NELL1: variants seen among roughly 807,000 people sequenced by gnomAD.
The protein encoded by NELL1 is neural EGFL like 1, also known as protein kinase C-binding protein NELL1.
In NELL1, 76 loss-of-function variants were observed where a neutral mutation model predicts 107.4. The ratio of observed to expected loss-of-function variants is 0.71; its 90% CI spans 0.59 to 0.86. NELL1 has a LOEUF of 0.86. Among genes scored for constraint, NELL1 ranks in the 40% least tolerant of loss-of-function variants. The probability of loss-of-function intolerance (pLI) is 0.00; values close to 1 mark genes in which losing one functional copy is unlikely to be tolerated. For synonymous variants in NELL1, 353 were observed against 341.2 expected (o/e 1.03, Z -0.38); for missense variants, 1,024 against 1,005.5 (o/e 1.02, Z -0.25).
chr11:21,047,670 G>T (rs1222287391), intron 12 of NELL1, among the ~76,000 whole-genome samples: 1 of 152,128 alleles, frequency 6.6e-6, no homozygotes, highest in Non-Finnish European at 1.5e-5. Context: ...TCGTGTTATT[G>T]TATTAGGTTT....
chr11:21,437,441 C>A (rs1853150866), intron 15 of NELL1, among the ~76,000 whole-genome samples: 1 of 152,140 alleles, frequency 6.6e-6, no homozygotes, highest in Non-Finnish European at 1.5e-5. Context: ...CTCACCGCAA[C>A]CTCCGCCTCC....
chr11:20,813,898 C>G (rs1298573823), intron 3 of NELL1, among the ~76,000 whole-genome samples: 1 of 151,896 alleles, frequency 6.6e-6, no homozygotes. Flanking sequence ...CTAATTTTGT[C>G]TTTATCACAA....
intron 13 of NELL1, among the ~76,000 whole-genome samples, chr11:21,134,744 T>G (rs895260737): frequency 1.3e-5 from 2 of 152,154 alleles, no homozygotes; most frequent in African/African-American, 4.8e-5. Flanking sequence ...GAGGCGTATA[T>G]GCAACCCACA....
chr11:21,532,132 G>A (rs1403330601), intron 15 of NELL1, among the ~76,000 whole-genome samples: 2 of 152,178 alleles, frequency 1.3e-5, no homozygotes, highest in African/African-American at 4.8e-5. Flanking sequence ...GGAATCGTCT[G>A]TGAAAAGTAC....
chr11:20,690,705 G>A (rs1181644538), intron 2 of NELL1, among the ~76,000 whole-genome samples: 1 of 152,092 alleles, frequency 6.6e-6, no homozygotes, highest in East Asian at 1.9e-4. Flanking sequence ...ATAGTTTGAA[G>A]TCAGGTAGCA....
At chr11:21,202,149 T>A (rs1279787405) in intron 13 of NELL1, among the ~76,000 whole-genome samples, 1 of 152,206 alleles carries the variant, frequency 6.6e-6, no homozygotes, top group Admixed American at 6.5e-5. Context: ...ATAAAATGAG[T>A]TAGAGAGGAT....
intron 13 of NELL1, among the ~76,000 whole-genome samples, chr11:21,120,087 T>A (rs1169045732): frequency 6.6e-6 from 1 of 152,120 alleles, no homozygotes; most frequent in Non-Finnish European, 1.5e-5. Context: ...AGGATTTTTA[T>A]TTTCTTGATA....
chr11:21,246,288 A>G (rs1219738114), intron 14 of NELL1, among the ~76,000 whole-genome samples: 3 of 152,190 alleles, frequency 2.0e-5, no homozygotes, highest in Non-Finnish European at 4.4e-5. Flanking sequence ...TATGTAGTTT[A>G]GGCTAGAGTG....
At chr11:20,707,067 C>A (rs982873666) in intron 2 of NELL1, among the ~76,000 whole-genome samples, 4 of 152,096 alleles carry the variant, frequency 2.6e-5, no homozygotes, top group Admixed American at 1.3e-4. Flanking sequence ...GTTCATTTTA[C>A]TCTTTTTTCT....
At chr11:21,390,538 C>CACAT (rs1554903982) in intron 15 of NELL1, among the ~76,000 whole-genome samples, 1 of 150,704 alleles carries the variant, frequency 6.6e-6, no homozygotes, top group Non-Finnish European at 1.5e-5. Context: ...CACACACACA[C>CACAT]GTGCGCACGC....
intron 2 of NELL1, among the ~76,000 whole-genome samples, chr11:20,725,790 C>T (rs1454292704): frequency 6.6e-5 from 10 of 152,108 alleles, no homozygotes; most frequent in Non-Finnish European, 1.5e-4. Context: ...GGTCCATGTG[C>T]AGGTTTGTTA....
intron 3 of NELL1, among the ~76,000 whole-genome samples, chr11:20,808,257 T>C (rs1323920884): frequency 6.6e-6 from 1 of 152,092 alleles, no homozygotes; most frequent in Non-Finnish European, 1.5e-5. Flanking sequence ...GTCCTTTATT[T>C]CAAGTCAGCA....
chr11:21,462,996 T>G (rs916424744), intron 15 of NELL1, among the ~76,000 whole-genome samples: 1 of 152,064 alleles, frequency 6.6e-6, no homozygotes, highest in African/African-American at 2.4e-5. Flanking sequence ...CAGGAAAGCA[T>G]CGTAGTTTCA....
intron 3 of NELL1, among the ~76,000 whole-genome samples, chr11:20,835,484 G>A (rs1382620722): frequency 6.6e-6 from 1 of 152,118 alleles, no homozygotes; most frequent in African/African-American, 2.4e-5. Context: ...TTTTAATTTT[G>A]AGTGGGAGAA....
At chr11:21,262,081 C>G (rs1201717693) in intron 14 of NELL1, among the ~76,000 whole-genome samples, 1 of 151,684 alleles carries the variant, frequency 6.6e-6, no homozygotes, top group Non-Finnish European at 1.5e-5. Context: ...CTCTTCGTTC[C>G]TCTTGTCATT....
chr11:21,235,381 A>G (rs1044665739), intron 14 of NELL1, among the ~76,000 whole-genome samples: 40 of 152,210 alleles, frequency 2.6e-4, no homozygotes. Flanking sequence ...GGATTGATTT[A>G]TAAAGTCAGA....
chr11:21,100,858 C>T (rs1413562029), intron 12 of NELL1, among the ~76,000 whole-genome samples: 1 of 151,836 alleles, frequency 6.6e-6, no homozygotes, highest in Non-Finnish European at 1.5e-5. Flanking sequence ...TTTAATTATA[C>T]TTTAAGTTTT....
At chr11:21,180,236 GGAA>G (rs1856800597) in intron 13 of NELL1, among the ~76,000 whole-genome samples, 1 of 151,708 alleles carries the variant, frequency 6.6e-6, no homozygotes, top group African/African-American at 2.4e-5. Flanking sequence ...CTTATCGTCT[GGAA>G]GAAGAACAAA....
rs1184792516 is a variant in NELL1 at position 20,710,026 on chromosome 11, T to C, written c.184+31966T>C. Among the ~76,000 whole-genome samples, 4 of 152,312 alleles carry C rather than the reference T, an allele frequency of 2.6e-5. No homozygotes were observed. The East Asian group carries it at 7.7e-4, about 29-fold the overall frequency. ...ACAGTTTGTCTTCCACTTTACAGAT[T>C]TGGATGCCGTTTATTTCTTTCTCTT... is the stretch of plus-strand genomic sequence containing the variant. On this transcript the variant is annotated intron_variant, in intron 2 of 19. Coordinates refer to ENST00000357134, the MANE Select transcript of NELL1 (RefSeq NM_006157.5).
Sources: allele counts gnomAD v4.1 joint callset (sites outside exome capture counted in the v4.1 genomes callset), GRCh38; gene constraint gnomAD v4.1.1; transcripts MANE v1.5; gene names NCBI Gene and HGNC (gene_info 2026-07-23, HGNC 2026-07-21).